The following KLF12 variants were observed in gnomAD, a reference collection of about 807,000 sequenced individuals.
KLF12 encodes the protein Krueppel-like factor 12.
A neutral mutation model predicts 37.8 loss-of-function variants in KLF12; 9 were observed. The observed-to-expected ratio is 0.24, with a 90% confidence interval of 0.14 to 0.42. The LOEUF (loss-of-function observed/expected upper bound fraction) is 0.42. Among genes scored for constraint, KLF12 ranks in the 10% least tolerant of loss-of-function variants. KLF12 has a pLI of 1.00. For missense variants in KLF12, 411 were observed against 516.0 expected, an observed-to-expected ratio of 0.80 and a Z score of 1.97; for synonymous variants, 208 against 202.1, an observed-to-expected ratio of 1.03 and a Z score of -0.25.
chr13:73,844,019 A>G (rs894636482), intron 4 of KLF12, among the ~76,000 whole-genome samples: 5 of 152,148 alleles, frequency 3.3e-5, no homozygotes, highest in African/African-American at 1.2e-4. Context: ...TGATCATGGC[A>G]AACAAAAAAA....
chr13:73,826,043 G>T (rs1427510140), intron 4 of KLF12, among the ~76,000 whole-genome samples: 2 of 152,030 alleles, frequency 1.3e-5, no homozygotes, highest in East Asian at 3.9e-4. Context: ...GACGATCTCG[G>T]CTCACTGCAA....
chr13:74,077,420 G>A (rs1874631121), intron 1 of KLF12, among the ~76,000 whole-genome samples: 2 of 152,148 alleles, frequency 1.3e-5, no homozygotes, highest in Non-Finnish European at 2.9e-5. Flanking sequence ...TCAACCTGTA[G>A]CAAAATTTTG....
chr13:74,093,301 A>T (rs1251714840), intron 1 of KLF12, among the ~76,000 whole-genome samples: 1 of 152,218 alleles, frequency 6.6e-6, no homozygotes, highest in Non-Finnish European at 1.5e-5. Context: ...GCTATTTTTG[A>T]AGAAAGGCAA....
At chr13:74,038,707 C>A (rs1893322498) in intron 1 of KLF12, among the ~76,000 whole-genome samples, 1 of 152,112 alleles carries the variant, frequency 6.6e-6, no homozygotes, top group Admixed American at 6.5e-5. Flanking sequence ...GAAGTTATTT[C>A]TAACTTCAGG....
Position 73,686,648 on chromosome 13 carries a change from T to G in KLF12, c.*8842A>C, listed in dbSNP as rs1426926580. On this transcript the variant is annotated 3_prime_UTR_variant, in exon 8 of 8. Coordinates refer to ENST00000377669, the MANE Select transcript of KLF12 (RefSeq NM_007249.5). ...CAGCATCACTGGGGGGCTTTATCCT[T>G]TAATGTGTAGGACCTCCTCTGGGCA... 6.6e-6 allele frequency: 1 copy of G among 152,468 alleles called. No individual in the cohort carries two copies. 9.4% of individuals were successfully genotyped at this position (152,468 alleles called of 1,614,324 possible). A position where few individuals can be genotyped will look rare whatever the true frequency, so the allele number is the denominator to read the frequency against.
intron 3 of KLF12, among the ~76,000 whole-genome samples, chr13:73,847,830 AAAAC>A (rs1316559097): frequency 1.3e-5 from 2 of 152,176 alleles, no homozygotes; most frequent in African/African-American, 4.8e-5. Context: ...AAACAAAGAA[AAAAC>A]AAACACCATA....
chr13:73,885,954 T>C (rs1162909868), intron 3 of KLF12, among the ~76,000 whole-genome samples: 1 of 152,182 alleles, frequency 6.6e-6, no homozygotes, highest in African/African-American at 2.4e-5. Context: ...ACTCCTATGA[T>C]TTTGGCTTAC....
intron 2 of KLF12, among the ~76,000 whole-genome samples, chr13:73,945,556 A>C (rs938817773): frequency 6.6e-6 from 1 of 152,216 alleles, no homozygotes; most frequent in African/African-American, 2.4e-5. Context: ...AGAGTGCAGT[A>C]TAGTGAAACT....
At chr13:73,956,216 A>C (rs149385200) in intron 2 of KLF12, among the ~76,000 whole-genome samples, 1 of 152,324 alleles carries the variant, frequency 6.6e-6, no homozygotes, top group South Asian at 2.1e-4. Context: ...ATAAAAATAG[A>C]AACAGTATAA....
intron 6 of KLF12, among the ~76,000 whole-genome samples, chr13:73,732,387 G>C (rs1374208489): frequency 1.3e-5 from 2 of 152,052 alleles, no homozygotes; most frequent in Non-Finnish European, 2.9e-5. Context: ...ACAGTGCCTG[G>C]CTGTTTAACC....
chr13:73,979,584 A>C (rs1172081923), intron 2 of KLF12, among the ~76,000 whole-genome samples: 1 of 152,238 alleles, frequency 6.6e-6, no homozygotes, highest in African/African-American at 2.4e-5. Context: ...TGCTTTGGAA[A>C]GACTATGAAA....
chr13:74,011,239 C>CAAAAAA (rs58892976), intron 1 of KLF12, among the ~76,000 whole-genome samples: 4 of 56,126 alleles, frequency 7.1e-5, no homozygotes, highest in African/African-American at 1.1e-4. Flanking sequence ...CAAGTCAGAG[C>CAAAAAA]AAAAAAAAAA....
intron 4 of KLF12, among the ~76,000 whole-genome samples, chr13:73,835,876 C>A (rs9543469): frequency 0.33 from 49,937 of 151,960 alleles, 9,453 homozygotes; most frequent in Non-Finnish European, 0.44. Flanking sequence ...TGATATCCAA[C>A]CAGAAATGAC....
rs1886396813 is a variant in KLF12 at position 73,870,188 on chromosome 13, T to G, written c.124-23815A>C. ...CCATCACTGTGACGTCATCAAGCAG[T>G]TCTTCCTTCTTATTCAGAACATAAT... On this transcript the variant is annotated intron_variant, in intron 3 of 7. Transcript: ENST00000377669. 3.3e-5 allele frequency among the ~76,000 whole-genome samples: 5 copies of G among 152,214 alleles called. No individual in the cohort carries two copies. The South Asian group carries it at 1.0e-3, about 32-fold the overall frequency.
chr13:74,137,079 TAGAATTTA>T (rs1462140158), upstream of KLF12, among the ~76,000 whole-genome samples: 2 of 152,174 alleles, frequency 1.3e-5, no homozygotes, highest in East Asian at 3.8e-4. Flanking sequence ...TATCTCCATA[TAGAATTTA>T]GATTTAAAGA....
intron 1 of KLF12, among the ~76,000 whole-genome samples, chr13:74,053,905 A>G (rs1302900454): frequency 6.6e-6 from 1 of 152,206 alleles, no homozygotes; most frequent in Non-Finnish European, 1.5e-5. Flanking sequence ...ATAGTCATTA[A>G]AAGAACTAAG....
At chr13:74,233,324 C>T in the KLF12 span, among the ~76,000 whole-genome samples, 1 of 152,118 alleles carries the variant, frequency 6.6e-6, no homozygotes, top group East Asian at 1.9e-4. Flanking sequence ...GTCCAGCAGC[C>T]CTGACCTGCT....
chr13:74,294,997 G>T, the KLF12 span, among the ~76,000 whole-genome samples: 1 of 152,130 alleles, frequency 6.6e-6, no homozygotes, highest in Non-Finnish European at 1.5e-5. Context: ...GGTTGGCATA[G>T]GCTCTGTCCC....
the KLF12 span, among the ~76,000 whole-genome samples, chr13:74,285,607 TG>T: frequency 6.6e-6 from 1 of 152,168 alleles, no homozygotes; most frequent in Non-Finnish European, 1.5e-5. Context: ...ATACTCCCTG[TG>T]ATTTTCTTTC....
Sources: gnomAD v4.1 joint callset for allele counts (sites outside exome capture counted in the v4.1 genomes callset) on GRCh38, gnomAD v4.1.1 for gene constraint, MANE v1.5 for transcripts, NCBI Gene and HGNC (gene_info 2026-07-23, HGNC 2026-07-21) for gene names.